Variants in ZNF212 observed in about 807,000 individuals in gnomAD.
ZNF212 encodes Zinc finger protein C2H2-150.
A neutral mutation model predicts 47.3 loss-of-function variants in ZNF212; 32 were observed. The observed-to-expected ratio is 0.68, with a 90% CI of 0.51 to 0.91. The LOEUF (loss-of-function observed/expected upper bound fraction) is 0.91, where lower values mean the gene tolerates loss of function less well. Ranked by LOEUF, ZNF212 falls within the 40% of genes least tolerant of loss-of-function variation. ZNF212 has a pLI of 0.00. For missense variants in ZNF212, 555 were observed against 622.8 expected, an observed-to-expected ratio of 0.89 and a Z score of 1.16; for synonymous variants, 242 against 253.8, an observed-to-expected ratio of 0.95 and a Z score of 0.44.
chr7:149,254,026 A>G lies in ZNF212; in HGVS notation c.1099A>G (p.Lys367Glu). 1 of 1,613,152 alleles carries G rather than the reference A, an allele frequency of 6.2e-7. No individual in the cohort carries two copies. Among genetic ancestry groups the G allele is most frequent in the Non-Finnish European group, 8.5e-7 (1 of 1,179,500 alleles). ...GCTGAAACCACAGACCAAAAAGGCC[A>G]AGCTGCATCAGTGTGATGTGTGCCT... Reference protein sequence around the residue: ...PRLKPQTKKAKLHQCDVCLRS... With the variant: ...PRLKPQTKKAELHQCDVCLRS... The change falls in exon 5 of 5, where the codon AAG (lysine) becomes GAG (glutamate). Residue 367 changes from lysine to glutamate, a missense_variant. Coordinates refer to ENST00000335870, the MANE Select transcript of ZNF212 (RefSeq NM_012256.4). The surrounding 1 kb of genome is among the most constrained non-coding windows in gnomAD (Gnocchi z 4.5).
chr7:149,239,757 G>A lies in ZNF212; in HGVS notation c.-22G>A. On this transcript the variant is annotated 5_prime_UTR_variant, in exon 1 of 5. The change creates a new upstream start codon in the 5' untranslated region. Coordinates refer to ENST00000335870, the MANE Select transcript of ZNF212 (RefSeq NM_012256.4). ...ACGGGGGCTCCGAGGCGGGGTCTGG[G>A]TGTTGAGGGGCGACTGGAGCCATGG... The A allele has an allele frequency of 1.6e-6, 2 of 1,277,598 alleles. No homozygotes were observed. Among genetic ancestry groups the A allele is most frequent in the East Asian group, 3.0e-5 (1 of 33,760 alleles). 79.1% of individuals were successfully genotyped at this position (1,277,598 alleles called of 1,614,324 possible). A position where few individuals can be genotyped will look rare whatever the true frequency, so the allele number is the denominator to read the frequency against.
intron 1 of ZNF212, among the ~76,000 whole-genome samples, chr7:149,241,748 A>G (rs1350207406): frequency 6.6e-6 from 1 of 152,202 alleles, no homozygotes; most frequent in East Asian, 1.9e-4. Context: ...CCAAACATTC[A>G]TCTTTGGTGT....
At chr7:149,251,491 C>CTTTTTTTTTTTT (rs71194634) in intron 3 of ZNF212, among the ~76,000 whole-genome samples, 9 of 77,432 alleles carry the variant, frequency 1.2e-4, no homozygotes, top group Admixed American at 1.7e-4. Context: ...CCTGTTTTAT[C>CTTTTTTTTTTTT]TTTTTTTTTT....
chr7:149,239,813 A>G lies in ZNF212; in HGVS notation c.24+11A>G, dbSNP rs1796560246. The G allele has an allele frequency of 1.6e-6, 2 of 1,272,666 alleles. No homozygotes were observed. Among genetic ancestry groups the G allele is most frequent in the Admixed American group, 3.8e-5 (1 of 25,976 alleles). 78.8% of individuals were successfully genotyped at this position (1,272,666 alleles called of 1,614,324 possible). A position where few individuals can be genotyped will look rare whatever the true frequency, so the allele number is the denominator to read the frequency against. ...TCGGCGCCTGCTCGGGTAAAGAGGC[A>G]CCGGCGCGCTGGCTCGAGGGCGCGT... On this transcript the variant is annotated intron_variant, in intron 1 of 4. Transcript: ENST00000335870.
At chr7:149,248,290 C>G (rs879439923) in intron 1 of ZNF212, among the ~76,000 whole-genome samples, 2 of 152,124 alleles carry the variant, frequency 1.3e-5, no homozygotes, top group African/African-American at 2.4e-5. Flanking sequence ...TTAAGGACAT[C>G]AGTCATTGGA....
intron 1 of ZNF212, among the ~76,000 whole-genome samples, chr7:149,242,269 G>A (rs1412451184): frequency 6.6e-6 from 1 of 151,596 alleles, no homozygotes; most frequent in African/African-American, 2.4e-5. Flanking sequence ...TGATCCACCT[G>A]CCTCGGCCTC....
Position 149,239,682 on chromosome 7 carries a change from G to GGCT in ZNF212, c.-95_-94insTGC. On this transcript the variant is annotated 5_prime_UTR_variant, in exon 1 of 5. Transcript: ENST00000335870. ...CACCTGGCATCAACACGGCGGCGGCGGCGGCGGCTTCCAACAGGCTCTGGG... is the reference window on the plus strand; with the variant it reads ...CACCTGGCATCAACACGGCGGCGGCGGCTGCGGCGGCTTCCAACAGGCTCTGGG... The GGCT allele has an allele frequency of 7.8e-7, 1 of 1,287,028 alleles. No individual in the cohort carries two copies. 79.7% of individuals were successfully genotyped at this position (1,287,028 alleles called of 1,614,324 possible). A position where few individuals can be genotyped will look rare whatever the true frequency, so the allele number is the denominator to read the frequency against.
intron 1 of ZNF212, among the ~76,000 whole-genome samples, chr7:149,241,871 C>T (rs1796593630): frequency 6.6e-6 from 1 of 152,140 alleles, no homozygotes; most frequent in Non-Finnish European, 1.5e-5. Context: ...GGGTAACATT[C>T]TGTGTAAGGG....
intron 3 of ZNF212, among the ~76,000 whole-genome samples, chr7:149,251,660 T>A (rs1287505591): frequency 1.3e-5 from 2 of 151,954 alleles, no homozygotes; most frequent in Non-Finnish European, 2.9e-5. Flanking sequence ...GCTAATTTTT[T>A]AAATTTTTTG....
At chr7:149,243,773 T>C (rs1280271152) in intron 1 of ZNF212, among the ~76,000 whole-genome samples, 1 of 152,186 alleles carries the variant, frequency 6.6e-6, no homozygotes, top group Admixed American at 6.5e-5. Context: ...TTTTATCAAA[T>C]AGAAAAGACT....
intron 1 of ZNF212, among the ~76,000 whole-genome samples, chr7:149,247,136 TCTTA>T (rs201436061): frequency 0.016 from 2,415 of 149,934 alleles, 76 homozygotes; most frequent in African/African-American, 0.057. Flanking sequence ...TTTTAAGTGG[TCTTA>T]CTTTGTCACT....
intron 1 of ZNF212, among the ~76,000 whole-genome samples, chr7:149,245,721 G>T (rs962716266): frequency 6.6e-6 from 1 of 152,088 alleles, no homozygotes; most frequent in Admixed American, 6.6e-5. Context: ...TGCCCTGGCT[G>T]TTCTTGAACT....
intron 1 of ZNF212, among the ~76,000 whole-genome samples, chr7:149,242,017 T>G (rs1266013483): frequency 7.3e-6 from 1 of 136,332 alleles, no homozygotes; most frequent in Non-Finnish European, 1.5e-5. Flanking sequence ...TTTTCTTTTC[T>G]TTTCTTTTTT....
Position 149,254,626 on chromosome 7 carries a change from G to GT in ZNF212, c.*214dup. ...TCTTCATCCTGCTGCCAAGTTTGCTGTTTCTTGGCACCTTCAGGTCTCTGG... is the reference window on the plus strand; with the variant it reads ...TCTTCATCCTGCTGCCAAGTTTGCTGTTTTCTTGGCACCTTCAGGTCTCTGG... On this transcript the variant is annotated 3_prime_UTR_variant, in exon 5 of 5. Coordinates refer to ENST00000335870, the MANE Select transcript of ZNF212 (RefSeq NM_012256.4). This position sits in a 1 kb window ranked among gnomAD's most constrained non-coding sequence, Gnocchi z 4.5. 1 of 686,090 alleles carries GT rather than the reference G, an allele frequency of 1.5e-6. No homozygotes were observed. Among genetic ancestry groups the GT allele is most frequent in the Non-Finnish European group, 2.2e-6 (1 of 445,970 alleles). The allele number at this position is 686,090 out of a possible 1,614,324, so 42.5% of individuals were successfully genotyped here.
chr7:149,252,179 T>C (rs17171186), intron 3 of ZNF212, among the ~76,000 whole-genome samples: 4,769 of 152,224 alleles, frequency 0.031, 236 homozygotes, highest in East Asian at 0.23. Context: ...ACAAAGTCTT[T>C]TAAAACCTAG....
In ZNF212 at chr7:149,254,305, T is replaced by C; in HGVS notation, c.1378T>C (p.Cys460Arg). The part of the protein sequence containing the change: ...TGERPYSCTE[C>R]EKSFVQKQHL... ...TGAGCGGCCCTACAGCTGCACTGAG[T>C]GTGAGAAGAGCTTTGTCCAGAAGCA... Residue 460 changes from cysteine to arginine, a missense_variant, in exon 5 of 5, where the codon TGT (cysteine) becomes CGT (arginine). Cys to Arg is a radical substitution (Grantham distance 180). Coordinates refer to ENST00000335870, the MANE Select transcript of ZNF212 (RefSeq NM_012256.4). This position sits in a 1 kb window ranked among gnomAD's most constrained non-coding sequence, Gnocchi z 4.5. 6.2e-7 allele frequency: 1 copy of C among 1,613,970 alleles called. No individual in the cohort carries two copies. The highest frequency in any genetic ancestry group is 8.5e-7 in the Non-Finnish European group (1 of 1,180,030).
At position 149,247,571 on chromosome 7, in the gene ZNF212, C is replaced by T. The variant is rs143553013; in HGVS notation, c.25-2588C>T. Among the ~76,000 whole-genome samples, 154 of 152,202 alleles carry T rather than the reference C, an allele frequency of 1.0e-3. 1 individual carries two copies. Among genetic ancestry groups the T allele is most frequent in the African/African-American group, 3.4e-3 (142 of 41,506 alleles). On this transcript the variant is annotated intron_variant, in intron 1 of 4. Transcript: ENST00000335870. ...GGAAAAATACACTAAATATATAATA[C>T]GGTATATAATGAAGTGTCTTATATA...
At chr7:149,245,475 C>T (rs755488383) in intron 1 of ZNF212, among the ~76,000 whole-genome samples, 5 of 151,824 alleles carry the variant, frequency 3.3e-5, no homozygotes, top group Non-Finnish European at 7.4e-5. Context: ...GACGTATAAT[C>T]GTGCCACTGC....
intron 1 of ZNF212, 107 bp downstream of exon 1, chr7:149,239,909 G>C (rs1258684414): frequency 3.1e-5 from 38 of 1,228,190 alleles, no homozygotes; most frequent in Non-Finnish European, 3.9e-5. Flanking sequence ...TTGGTTTCCC[G>C]GGGCTGCCGT....
Sources: allele counts gnomAD v4.1 joint callset (sites outside exome capture counted in the v4.1 genomes callset), GRCh38; gene constraint gnomAD v4.1.1; non-coding constraint Gnocchi (gnomAD v3.1); transcripts MANE v1.5; gene names NCBI Gene and HGNC (gene_info 2026-07-23, HGNC 2026-07-21).